Variants in PRR16 observed in about 807,000 individuals in gnomAD.
The protein encoded by PRR16 is proline rich 16, also known as protein Largen.
Under a neutral mutation model 18.2 loss-of-function variants are expected in PRR16, and 6 were observed. That is an observed-to-expected ratio of 0.33 (90% CI 0.18 to 0.65). The LOEUF (loss-of-function observed/expected upper bound fraction) is 0.65, where lower values mean the gene tolerates loss of function less well. Ranked by LOEUF, PRR16 falls within the 30% of genes least tolerant of loss-of-function variation. PRR16 has a pLI of 0.74. For synonymous variants in PRR16, 151 were observed against 147.8 expected (o/e 1.02, Z -0.16); for missense variants, 412 against 376.6 (o/e 1.09, Z -0.78).
At chr5:120,465,029 A>G (rs1749029868) in intron 1 of PRR16, among the ~76,000 whole-genome samples, 1 of 152,028 alleles carries the variant, frequency 6.6e-6, no homozygotes, top group South Asian at 2.1e-4. Context: ...TTGCTTCCCC[A>G]GAGTCCTTTG....
intron 1 of PRR16, among the ~76,000 whole-genome samples, chr5:120,617,608 A>G (rs1364665170): frequency 6.6e-6 from 1 of 152,186 alleles, no homozygotes; most frequent in Non-Finnish European, 1.5e-5. Context: ...TTTTATTAAC[A>G]AAATCAGTTT....
chr5:120,570,182 C>A (rs1229123127), intron 1 of PRR16, among the ~76,000 whole-genome samples: 1 of 152,084 alleles, frequency 6.6e-6, no homozygotes, highest in Non-Finnish European at 1.5e-5. Context: ...CTCCCAAAAG[C>A]TGCAGCAAAG....
At chr5:120,652,823 T>C (rs950968783) in intron 1 of PRR16, among the ~76,000 whole-genome samples, 10 of 151,816 alleles carry the variant, frequency 6.6e-5, no homozygotes, top group African/African-American at 2.4e-4. Context: ...TATTAATATA[T>C]TTATATTGGT....
At chr5:120,657,535 G>T (rs1756024530) in intron 1 of PRR16, among the ~76,000 whole-genome samples, 1 of 151,940 alleles carries the variant, frequency 6.6e-6, no homozygotes, top group African/African-American at 2.4e-5. Context: ...ACATTTAACA[G>T]AATGCTACCC....
At chr5:120,647,705 A>G (rs2150129263) in intron 1 of PRR16, among the ~76,000 whole-genome samples, 1 of 152,230 alleles carries the variant, frequency 6.6e-6, no homozygotes, top group South Asian at 2.1e-4. Context: ...CCTGCTTAAA[A>G]GTTTATGATC....
At chr5:120,621,455 C>G (rs771667087) in intron 1 of PRR16, among the ~76,000 whole-genome samples, 6 of 152,036 alleles carry the variant, frequency 3.9e-5, no homozygotes, top group Non-Finnish European at 8.8e-5. Flanking sequence ...TCTCTGATCC[C>G]CCTGTCCAGT....
At chr5:120,728,236 C>CA in the PRR16 span, among the ~76,000 whole-genome samples, 2 of 150,682 alleles carry the variant, frequency 1.3e-5, no homozygotes, top group African/African-American at 2.4e-5. Flanking sequence ...TTTCTGATCT[C>CA]AAAAAAATCC....
rs971700952 is a variant in PRR16 at position 120,537,061 on chromosome 5, G to A, written c.159+72416G>A. Among the ~76,000 whole-genome samples, 3 of 152,208 alleles carry A rather than the reference G, an allele frequency of 2.0e-5. No homozygotes were observed. The South Asian group carries it at 6.2e-4, about 32-fold the overall frequency. On this transcript the variant is annotated intron_variant, in intron 1 of 1. Transcript: ENST00000407149. ...ACTTTAGGATGGAGGGCGAGAGGAGGGAGAGAAACAGAAAAAATAACTATT... is the reference window on the plus strand; with the variant it reads ...ACTTTAGGATGGAGGGCGAGAGGAGAGAGAGAAACAGAAAAAATAACTATT...
At chr5:120,748,729 G>C in the PRR16 span, among the ~76,000 whole-genome samples, 2 of 152,052 alleles carry the variant, frequency 1.3e-5, no homozygotes. Flanking sequence ...AGATAAATGA[G>C]ATGTCATAAA....
chr5:120,525,646 A>C (rs1751322224), intron 1 of PRR16, among the ~76,000 whole-genome samples: 1 of 150,872 alleles, frequency 6.6e-6, no homozygotes, highest in Non-Finnish European at 1.5e-5. Context: ...TAGGCAGGAA[A>C]TTCTGCTAGG....
At chr5:120,635,593 A>C (rs141362461) in intron 1 of PRR16, among the ~76,000 whole-genome samples, 30 of 152,298 alleles carry the variant, frequency 2.0e-4, no homozygotes, top group Non-Finnish European at 4.4e-4. Context: ...AAATCTTAGC[A>C]AAATTGGCAC....
chr5:120,714,168 G>A, the PRR16 span, among the ~76,000 whole-genome samples: 1 of 151,804 alleles, frequency 6.6e-6, no homozygotes, highest in Non-Finnish European at 1.5e-5. Flanking sequence ...TAGCCAAAAT[G>A]GCAAGTGTGA....
the PRR16 span, among the ~76,000 whole-genome samples, chr5:120,722,362 G>A: frequency 6.6e-6 from 1 of 151,810 alleles, no homozygotes; most frequent in African/African-American, 2.4e-5. Flanking sequence ...CTAAATATGG[G>A]GTAAGGTCCT....
intron 1 of PRR16, among the ~76,000 whole-genome samples, chr5:120,568,837 T>A (rs184899945): frequency 7.5e-4 from 114 of 152,250 alleles, no homozygotes; most frequent in African/African-American, 2.6e-3. Context: ...AGTAGAATTT[T>A]TGTGAAATGA....
At chr5:120,683,633 T>G (rs1757038109) in intron 1 of PRR16, among the ~76,000 whole-genome samples, 1 of 152,214 alleles carries the variant, frequency 6.6e-6, no homozygotes, top group African/African-American at 2.4e-5. Context: ...AGTTTATTTA[T>G]GTATAGTACA....
chr5:120,472,433 C>T lies in PRR16; in HGVS notation c.159+7788C>T, dbSNP rs146056563. On this transcript the variant is annotated intron_variant, in intron 1 of 1. Coordinates refer to ENST00000407149, the MANE Select transcript of PRR16 (RefSeq NM_001300783.2). ...AGCATCAGTGGTTCTTAATAGTCTC[C>T]CTCCCCCCATATCACAAACCCCTTT... Among the ~76,000 whole-genome samples the T allele has an allele frequency of 1.3e-3, 192 of 152,048 alleles. 2 individuals are homozygous for T. The highest frequency in any genetic ancestry group is 3.4e-3 in the Middle Eastern group (1 of 294).
intron 1 of PRR16, among the ~76,000 whole-genome samples, chr5:120,649,873 T>A (rs1755716033): frequency 6.6e-6 from 1 of 152,072 alleles, no homozygotes. Flanking sequence ...ATATTAATCT[T>A]CTATGAATAA....
At chr5:120,516,329 G>A (rs1750990236) in intron 1 of PRR16, among the ~76,000 whole-genome samples, 1 of 149,888 alleles carries the variant, frequency 6.7e-6, no homozygotes, top group African/African-American at 2.4e-5. Flanking sequence ...GGAGGCTGCG[G>A]CACAAGAATC....
chr5:120,636,581 T>C (rs1431514900), intron 1 of PRR16, among the ~76,000 whole-genome samples: 1 of 152,174 alleles, frequency 6.6e-6, no homozygotes, highest in African/African-American at 2.4e-5. Flanking sequence ...GCTAGCCACA[T>C]GTAGAAGAAT....
Sources: allele counts gnomAD v4.1 joint callset (sites outside exome capture counted in the v4.1 genomes callset), GRCh38; gene constraint gnomAD v4.1.1; transcripts MANE v1.5; gene names NCBI Gene and HGNC (gene_info 2026-07-23, HGNC 2026-07-21).